The following ZNF23 variants were observed in gnomAD, a reference collection of about 807,000 sequenced individuals.
ZNF23 encodes zinc finger protein 23, also known as kruppel-like zinc finger factor X31.
ZNF23 carries 48 observed loss-of-function variants against 56.2 expected under a neutral mutation model. The ratio of observed to expected loss-of-function variants is 0.85; its 90% CI spans 0.68 to 1.09. The LOEUF is 1.09. Among genes scored for constraint, ZNF23 ranks in the 50% least tolerant of loss-of-function variants. The pLI, the probability that ZNF23 is intolerant of heterozygous loss-of-function variation, is 0.00. For synonymous variants in ZNF23, 266 were observed against 283.3 expected (o/e 0.94, Z 0.61); for missense variants, 805 against 811.4 (o/e 0.99, Z 0.10).
Position 71,447,926 on chromosome 16 carries a change from T to C in ZNF23, c.*167A>G. The stretch of plus-strand genomic sequence containing the variant: ...ACAAAGCTATTTTTGGATGTTTCTC[T>C]TTAACTGGTCATCCTTTCCTGATTT... On this transcript the variant is annotated 3_prime_UTR_variant, in exon 5 of 5. Transcript: ENST00000647773. The C allele has an allele frequency of 2.0e-6, 1 of 493,360 alleles. No individual in the cohort carries two copies. Among genetic ancestry groups the C allele is most frequent in the Non-Finnish European group, 3.4e-6 (1 of 291,372 alleles). The allele number at this position is 493,360 out of a possible 1,614,324, so 30.6% of individuals were successfully genotyped here. A position where few individuals can be genotyped will look rare whatever the true frequency, so the allele number is the denominator to read the frequency against.
At chr16:71,453,933 TCTCA>T (rs779314164) in intron 3 of ZNF23, 105 bp downstream of exon 3, 1 of 1,317,994 alleles carries the variant, frequency 7.6e-7, no homozygotes, top group Non-Finnish European at 1.1e-6. Flanking sequence ...GCTCTGGGGT[TCTCA>T]CTCAGTAAAG....
At chr16:71,458,827 T>A (rs575294831) in intron 1 of ZNF23, among the ~76,000 whole-genome samples, 50 of 152,362 alleles carry the variant, frequency 3.3e-4, no homozygotes, top group Admixed American at 1.4e-3. Context: ...GAAATAAGTA[T>A]GTTGGTGAAG....
chr16:71,452,633 G>A (rs1420810857), intron 4 of ZNF23: 1 of 152,232 alleles, frequency 6.6e-6, no homozygotes, highest in Non-Finnish European at 1.5e-5. Context: ...CCTGTGTACA[G>A]CTGTATTCCC....
At position 71,453,259 on chromosome 16, in the gene ZNF23, GA is replaced by G. The variant is rs758419853; in HGVS notation, c.251del (p.Leu84ProfsTer7). On this transcript the variant is annotated frameshift_variant, in exon 4 of 5. Transcript: ENST00000647773. LOFTEE classifies it high-confidence loss of function. Reference protein sequence around the residue: ...GSSPLAAGTGLQGLQTVDIQT... With the variant: ...GSSPLAAGTGXQGLQTVDIQT... ...CTCCCTTACCAGTCTGGAGGCCCTGGAGGCCTGTTCCTGCAGCCAGTGGAGA... is the reference window on the plus strand; with the variant it reads ...CTCCCTTACCAGTCTGGAGGCCCTGGGGCCTGTTCCTGCAGCCAGTGGAGA... The G allele has an allele frequency of 1.2e-6, 2 of 1,607,748 alleles. No homozygotes were observed. The highest frequency in any genetic ancestry group is 1.7e-6 in the Non-Finnish European group (2 of 1,176,808).
At position 71,448,702 on chromosome 16, in the gene ZNF23, A is replaced by T; in HGVS notation, c.1452T>A (p.Ile484=). 1 of 1,613,834 alleles carries T rather than the reference A, an allele frequency of 6.2e-7. No individual in the cohort carries two copies. Among genetic ancestry groups the T allele is most frequent in the Non-Finnish European group, 8.5e-7 (1 of 1,179,930 alleles). ...CNSQFRQHLR[I]HTGEKPYECN... is the part of the protein sequence containing the mutation. The stretch of plus-strand genomic sequence containing the variant: ...ACTCATAGGGCTTCTCCCCAGTGTG[A>T]ATTCTCAGATGCTGCCGAAATTGGG... Residue 484 remains isoleucine (I), a synonymous_variant, in exon 5 of 5, where the codon ATT becomes ATA. Transcript: ENST00000647773.
rs957699658 is a variant in ZNF23, at chr16:71,449,060, T to C, written c.1094A>G (p.Lys365Arg). The change falls in exon 5 of 5, where the codon AAA (lysine) becomes AGA (arginine). Residue 365 changes from lysine to arginine, a missense_variant. By Grantham distance (26) the Lys-to-Arg change is conservative. Transcript: ENST00000647773. ...DCGKAFNVNA[K>R]LIQHQRIHTG... The stretch of plus-strand genomic sequence containing the variant: ...ATGGATTCTCTGATGTTGAATTAAT[T>C]TTGCATTAACATTGAACGCTTTCCC... The C allele has an allele frequency of 6.2e-7, 1 of 1,614,072 alleles. No individual in the cohort carries two copies. Among genetic ancestry groups the C allele is most frequent in the Non-Finnish European group, 8.5e-7 (1 of 1,180,046 alleles).
chr16:71,458,786 G>A (rs1327426888), intron 1 of ZNF23, among the ~76,000 whole-genome samples: 2 of 152,228 alleles, frequency 1.3e-5, no homozygotes, highest in Non-Finnish European at 2.9e-5. Context: ...CTGGCACCTT[G>A]ATCCTGGACT....
At chr16:71,452,325 T>C (rs996498728) in intron 4 of ZNF23, 1 of 150,966 alleles carries the variant, frequency 6.6e-6, no homozygotes, top group Admixed American at 6.6e-5. Context: ...CTAAGAAAAA[T>C]GAAGACTCAC....
At chr16:71,450,579 T>A in intron 4 of ZNF23, 1 of 338,502 alleles carries the variant, frequency 3.0e-6, no homozygotes, top group Non-Finnish European at 6.0e-6. Context: ...ATTAGCCGGG[T>A]GTGGTGGTAC....
intron 1 of ZNF23, 70 bp downstream of exon 1, chr16:71,462,140 G>C (rs895514263): frequency 1.3e-5 from 2 of 152,358 alleles, no homozygotes; most frequent in Non-Finnish European, 2.9e-5. Flanking sequence ...CAGGGTGGGA[G>C]TGCGTCTCAA....
rs2042942021 is a variant in ZNF23, at chr16:71,448,788, T to C, written c.1366A>G (p.Ile456Val). 6.2e-7 allele frequency: 1 copy of C among 1,614,212 alleles called. No individual in the cohort carries two copies. The highest frequency in any genetic ancestry group is 1.7e-5 in the Admixed American group (1 of 60,030). Residue 456 changes from isoleucine (I) to valine (V), a missense_variant, in exon 5 of 5, where the codon ATT (isoleucine) becomes GTT (valine). Transcript: ENST00000647773. ...TCATAGGGTTTCTCGCCTGTGTGAA[T>C]TCTCTGGTGTTGGATTAACTTCCCT... is the stretch of plus-strand genomic sequence containing the variant. ...VKGKLIQHQR[I>V]HTGEKPYECN...
chr16:71,449,189 G>A lies in ZNF23; in HGVS notation c.965C>T (p.Pro322Leu). ...RHQRIHTGEK[P>L]YQCKECGNGF... Reference sequence around the variant, plus strand: ...ATTTCCACATTCCTTGCACTGATAGGGCTTCTCTCCCGTATGGATTCTCTG... The same window carrying A: ...ATTTCCACATTCCTTGCACTGATAGAGCTTCTCTCCCGTATGGATTCTCTG... Residue 322 changes from proline (P) to leucine (L), a missense_variant, in exon 5 of 5, where the codon CCC becomes CTC. Pro to Leu is a moderately conservative substitution (Grantham distance 98). Coordinates refer to ENST00000647773, the MANE Select transcript of ZNF23 (RefSeq NM_001381984.1). The A allele has an allele frequency of 1.2e-6, 2 of 1,614,030 alleles. No individual in the cohort carries two copies. The highest frequency in any genetic ancestry group is 1.1e-5 in the South Asian group (1 of 91,072).
Position 71,456,821 on chromosome 16 carries a change from G to A in ZNF23, c.-25C>T. On this transcript the variant is annotated 5_prime_UTR_variant, in exon 2 of 5. Transcript: ENST00000647773. ...TCCCCTGGTCCCCGTCTCAGAGAAG[G>A]GCTGGAGCTAAGGAGAAACACAAAG... 1.0e-6 allele frequency: 1 copy of A among 984,122 alleles called. No individual in the cohort carries two copies. Among genetic ancestry groups the A allele is most frequent in the South Asian group, 4.7e-5 (1 of 21,250 alleles). The allele number at this position is 984,122 out of a possible 1,614,324, so 61.0% of individuals were successfully genotyped here.
chr16:71,457,718 G>A (rs903673867), intron 1 of ZNF23, among the ~76,000 whole-genome samples: 1 of 152,058 alleles, frequency 6.6e-6, no homozygotes, highest in South Asian at 2.1e-4. Context: ...AGAGTGAGAC[G>A]CTATCTCAAA....
intron 2 of ZNF23, 34 bp downstream of exon 2, chr16:71,456,730 C>T: frequency 1.0e-6 from 1 of 986,050 alleles, no homozygotes; most frequent in Non-Finnish European, 1.2e-6. Flanking sequence ...TCTGAAACTG[C>T]CCAGAGGAAG....
Position 71,448,644 on chromosome 16 carries a change from C to T in ZNF23, c.1510G>A (p.Gly504Arg). 1 of 1,613,982 alleles carries T rather than the reference C, an allele frequency of 6.2e-7. No individual in the cohort carries two copies. Among genetic ancestry groups the T allele is most frequent in the Non-Finnish European group, 8.5e-7 (1 of 1,179,984 alleles). ...ATTCTCTGATGCCGCATTAGTTTCC[C>T]ATTAACGCTGAAGGCCTTTCCACAC... ...NECGKAFSVN[G>R]KLMRHQRIHT... The change falls in exon 5 of 5, where the codon GGG becomes AGG. Residue 504 changes from glycine to arginine, a missense_variant. Coordinates refer to ENST00000647773, the MANE Select transcript of ZNF23 (RefSeq NM_001381984.1).
intron 3 of ZNF23, 57 bp from the exon 4 acceptor site, chr16:71,453,407 C>T (rs1596998750): frequency 2.3e-6 from 3 of 1,323,166 alleles, no homozygotes; most frequent in East Asian, 5.0e-5. Flanking sequence ...CAGACAAATT[C>T]CTAAGCCTCT....
chr16:71,454,725 A>T (rs954999643), intron 2 of ZNF23, among the ~76,000 whole-genome samples: 3 of 152,176 alleles, frequency 2.0e-5, no homozygotes, highest in Non-Finnish European at 4.4e-5. Flanking sequence ...CCCAGGCTGC[A>T]GGGTCTTCCT....
intron 1 of ZNF23, chr16:71,461,774 T>C (rs1240034321): frequency 6.6e-6 from 1 of 152,208 alleles, no homozygotes; most frequent in African/African-American, 2.4e-5. Context: ...CATGACCCTA[T>C]GTCAGGAGCC....
Sources: allele counts gnomAD v4.1 joint callset (sites outside exome capture counted in the v4.1 genomes callset), GRCh38; gene constraint gnomAD v4.1.1; transcripts MANE v1.5; gene names NCBI Gene and HGNC (gene_info 2026-07-23, HGNC 2026-07-21).